KRAS: variants seen among roughly 807,000 people sequenced by gnomAD.
The protein encoded by KRAS is GTPase KRas.
KRAS carries 1 observed loss-of-function variant against 21.0 expected under a neutral mutation model. That is an observed-to-expected ratio of 0.05 (90% confidence interval 0.02 to 0.23). KRAS has a LOEUF of 0.23. Ranked by LOEUF, KRAS falls within the 10% of genes least tolerant of loss-of-function variation. KRAS has a pLI of 1.00. For synonymous variants in KRAS, 67 were observed against 72.5 expected (o/e 0.92, Z 0.39); for missense variants, 107 against 221.8 (o/e 0.48, Z 3.29).
intron 2 of KRAS, among the ~76,000 whole-genome samples, chr12:25,236,870 T>C (rs1459253425): frequency 6.6e-6 from 1 of 152,010 alleles, no homozygotes; most frequent in Non-Finnish European, 1.5e-5. Context: ...AGCTACCATA[T>C]AACCCAGCAA....
chr12:25,223,618 T>C (rs1286357035), intron 4 of KRAS, among the ~76,000 whole-genome samples: 2 of 152,176 alleles, frequency 1.3e-5, no homozygotes, highest in Non-Finnish European at 2.9e-5. Context: ...GAAGTAGAAT[T>C]TACTGTTTCT....
intron 1 of KRAS, among the ~76,000 whole-genome samples, chr12:25,249,518 G>C (rs1176260977): frequency 3.6e-5 from 5 of 137,556 alleles, no homozygotes; most frequent in Non-Finnish European, 4.6e-5. Context: ...CTTGAACCCA[G>C]GAGGCGGAGG....
At chr12:25,241,384 A>G (rs2135801380) in intron 2 of KRAS, among the ~76,000 whole-genome samples, 1 of 152,358 alleles carries the variant, frequency 6.6e-6, no homozygotes, top group African/African-American at 2.4e-5. Flanking sequence ...GGGCACTCAC[A>G]AAAGTGGGGA....
chr12:25,231,268 A>AT (rs1295659152), intron 2 of KRAS, among the ~76,000 whole-genome samples: 2 of 151,752 alleles, frequency 1.3e-5, no homozygotes, highest in Non-Finnish European at 2.9e-5. Context: ...TGTCCAGCTA[A>AT]TTTTTGTATT....
chr12:25,205,499 T>C lies in KRAS; in HGVS notation c.*4296A>G. ...GAAAGCACAATGTACAAAATGTGCA[T>C]GTTTCAGTTTACACTATACAAAAAT... On this transcript the variant is annotated 3_prime_UTR_variant, in exon 5 of 5. Transcript: ENST00000311936. 1 of 216,602 alleles carries C rather than the reference T, an allele frequency of 4.6e-6. No individual in the cohort carries two copies. The allele number at this position is 216,602 out of a possible 1,614,324, so 13.4% of individuals were successfully genotyped here.
chr12:25,234,906 T>C (rs1951525135), intron 2 of KRAS: 1 of 243,180 alleles, frequency 4.1e-6, no homozygotes, highest in African/African-American at 2.2e-5. Context: ...AGATTTTGTT[T>C]ACTATATTGT....
At chr12:25,238,794 C>T (rs1246653934) in intron 2 of KRAS, among the ~76,000 whole-genome samples, 1 of 152,122 alleles carries the variant, frequency 6.6e-6, no homozygotes, top group African/African-American at 2.4e-5. Context: ...ATTTATTCAC[C>T]CATTCTCTAT....
At chr12:25,245,485 A>G (rs1951666172) in intron 1 of KRAS, 90 bp from the exon 2 acceptor site, 1 of 1,261,026 alleles carries the variant, frequency 7.9e-7, no homozygotes, top group East Asian at 2.5e-5. Flanking sequence ...AGTACCTTTT[A>G]ATACAAACTC....
At chr12:25,233,129 C>CCAA (rs1951496542) in intron 2 of KRAS, among the ~76,000 whole-genome samples, 1 of 152,068 alleles carries the variant, frequency 6.6e-6, no homozygotes, top group East Asian at 1.9e-4. Context: ...ACCACCACCA[C>CCAA]CACCATCCCC....
chr12:25,221,272 G>A (rs1448198608), intron 4 of KRAS, among the ~76,000 whole-genome samples: 3 of 147,574 alleles, frequency 2.0e-5, no homozygotes, highest in East Asian at 4.0e-4. Context: ...TCGCTCGGTC[G>A]TCCAGGCTGG....
Position 25,225,638 on chromosome 12 carries a change from A to C in KRAS, c.426T>G (p.Ile142Met). The change falls in exon 4 of 5, where the codon ATT becomes ATG. Residue 142 changes from isoleucine to methionine, a missense_variant. Physicochemically the swap from Ile to Met is conservative, Grantham distance 10. Coordinates refer to ENST00000311936, the MANE Select transcript of KRAS (RefSeq NM_004985.5). The stretch of plus-strand genomic sequence containing the variant: ...CCTGTCTTGTCTTTGCTGATGTTTC[A>C]ATAAAAGGAATTCCATAACTTCTTG... ...DLARSYGIPF[I>M]ETSAKTRQGV... 1 of 1,613,166 alleles carries C rather than the reference A, an allele frequency of 6.2e-7. No homozygotes were observed. Among genetic ancestry groups the C allele is most frequent in the Non-Finnish European group, 8.5e-7 (1 of 1,179,488 alleles).
At chr12:25,247,272 G>T (rs10842518) in intron 1 of KRAS, among the ~76,000 whole-genome samples, 59,250 of 151,868 alleles carry the variant, frequency 0.39, 11,712 homozygotes, top group African/African-American at 0.45. Context: ...CATCATAATT[G>T]ACTGAAGACC....
intron 4 of KRAS, among the ~76,000 whole-genome samples, chr12:25,221,234 CTTTT>C (rs34499686): frequency 7.2e-6 from 1 of 138,858 alleles, no homozygotes; most frequent in African/African-American, 2.7e-5. Context: ...CAGCCACAGC[CTTTT>C]TTTTTTTTTT....
chr12:25,249,941 G>A (rs907884117), intron 1 of KRAS, among the ~76,000 whole-genome samples: 2 of 152,154 alleles, frequency 1.3e-5, no homozygotes, highest in Admixed American at 1.3e-4. Flanking sequence ...GACCATCTGG[G>A]ATTAACTTTT....
chr12:25,206,562 T>A lies in KRAS; in HGVS notation c.*3233A>T, dbSNP rs1295011988. On this transcript the variant is annotated 3_prime_UTR_variant, in exon 5 of 5. Transcript: ENST00000311936. ...TACCTTAAAAAAATGCCCATCTACA[T>A]CAAAAATTCAAGAGGCCTAAATATC... The A allele has an allele frequency of 4.9e-6, 1 of 204,118 alleles. No homozygotes were observed. Among genetic ancestry groups the A allele is most frequent in the African/African-American group, 2.3e-5 (1 of 43,770 alleles). 12.6% of individuals were successfully genotyped at this position (204,118 alleles called of 1,614,324 possible).
chr12:25,215,406 G>A lies in KRAS; in HGVS notation c.451-5495C>T, dbSNP rs761197109. The stretch of plus-strand genomic sequence containing the variant: ...TACCTTTAAAAGACATCTGCTTTCT[G>A]CCAAAATTAATGTGCTGAACTTAAA... On this transcript the variant is annotated intron_variant, in intron 4 of 4. Transcript: ENST00000311936. The A allele has an allele frequency of 6.8e-6, 11 of 1,611,710 alleles. No homozygotes were observed. In the Admixed American group the frequency reaches 8.3e-5, roughly 12 times the overall value.
Position 25,250,860 on chromosome 12 carries a change from A to AGCCGCCGCCACCTTCGCCGCCGCCACT in KRAS, c.-148_-122dup, listed in dbSNP as rs1565894258. 3 of 244,380 alleles carry AGCCGCCGCCACCTTCGCCGCCGCCACT rather than the reference A, an allele frequency of 1.2e-5. No homozygotes were observed. Among genetic ancestry groups the AGCCGCCGCCACCTTCGCCGCCGCCACT allele is most frequent in the Admixed American group, 5.8e-5 (1 of 17,182 alleles). The allele number at this position is 244,380 out of a possible 1,614,324, so 15.1% of individuals were successfully genotyped here. On this transcript the variant is annotated 5_prime_UTR_variant, in exon 1 of 5. Coordinates refer to ENST00000311936, the MANE Select transcript of KRAS (RefSeq NM_004985.5). ...TGGCGGGGGCCGGGAGTACTGGCCGAGCCGCCGCCACCTTCGCCGCCGCCA... is the reference window on the plus strand; with the variant it reads ...TGGCGGGGGCCGGGAGTACTGGCCGAGCCGCCGCCACCTTCGCCGCCGCCACTGCCGCCGCCACCTTCGCCGCCGCCA...
At chr12:25,213,738 T>C (rs1565880064) in intron 4 of KRAS, among the ~76,000 whole-genome samples, 1 of 152,336 alleles carries the variant, frequency 6.6e-6, no homozygotes, top group East Asian at 1.9e-4. Context: ...AAAACTGTAA[T>C]TTTATTGCCT....
At chr12:25,226,854 G>A (rs754741936) in intron 3 of KRAS, among the ~76,000 whole-genome samples, 1 of 152,068 alleles carries the variant, frequency 6.6e-6, no homozygotes, top group South Asian at 2.1e-4. Context: ...CTATACACAC[G>A]ATTGCTTTTA....
Sources: gnomAD v4.1 joint callset for allele counts (sites outside exome capture counted in the v4.1 genomes callset) on GRCh38, gnomAD v4.1.1 for gene constraint, MANE v1.5 for transcripts, NCBI Gene and HGNC (gene_info 2026-07-23, HGNC 2026-07-21) for gene names.